CKAP2L: variants seen among roughly 807,000 people sequenced by gnomAD.
CKAP2L encodes the protein cytoskeleton associated protein 2L.
A neutral mutation model predicts 65.7 loss-of-function variants in CKAP2L; 42 were observed. That is an observed-to-expected ratio of 0.64 (90% CI 0.50 to 0.83). The LOEUF (loss-of-function observed/expected upper bound fraction) is 0.83, where lower values mean the gene tolerates loss of function less well. Among genes scored for constraint, CKAP2L ranks in the 40% least tolerant of loss-of-function variants. CKAP2L has a pLI of 0.00. For missense variants in CKAP2L, 908 were observed against 871.0 expected, an observed-to-expected ratio of 1.04 and a Z score of -0.53; for synonymous variants, 325 against 313.5, an observed-to-expected ratio of 1.04 and a Z score of -0.39.
At chr2:112,739,639 G>T (rs1278027445) in intron 8 of CKAP2L, among the ~76,000 whole-genome samples, 4 of 152,128 alleles carry the variant, frequency 2.6e-5, no homozygotes. Flanking sequence ...TTGAATTAAT[G>T]AATTCCAAGA....
intron 7 of CKAP2L, chr2:112,742,389 G>A (rs1158500774): frequency 1.4e-6 from 1 of 717,456 alleles, no homozygotes; most frequent in South Asian, 1.5e-5. Flanking sequence ...TGTAACTTAA[G>A]GCATTTCTCC....
chr2:112,762,484 T>G lies in CKAP2L; in HGVS notation c.104+19A>C. ...AAGAAGGCAACAAAACTTGCGTAACTGTGGACAGATAAACTCACTTGGTGT... is the reference window on the plus strand; with the variant it reads ...AAGAAGGCAACAAAACTTGCGTAACGGTGGACAGATAAACTCACTTGGTGT... On this transcript the variant is annotated intron_variant, in intron 2 of 8. Coordinates refer to ENST00000302450, the MANE Select transcript of CKAP2L (RefSeq NM_152515.5). 1 of 1,607,116 alleles carries G rather than the reference T, an allele frequency of 6.2e-7. No homozygotes were observed. The highest frequency in any genetic ancestry group is 1.1e-5 in the South Asian group (1 of 90,940).
intron 5 of CKAP2L, among the ~76,000 whole-genome samples, chr2:112,747,036 A>G (rs994775310): frequency 2.0e-5 from 3 of 151,304 alleles, no homozygotes; most frequent in Admixed American, 2.0e-4. Flanking sequence ...TGATCCGCCC[A>G]CCTCAGCCTC....
intron 5 of CKAP2L, among the ~76,000 whole-genome samples, chr2:112,751,682 G>A (rs1680376972): frequency 6.6e-6 from 1 of 152,132 alleles, no homozygotes; most frequent in Non-Finnish European, 1.5e-5. Flanking sequence ...CCAAAGGACT[G>A]AATGAGTTTT....
intron 6 of CKAP2L, among the ~76,000 whole-genome samples, chr2:112,746,179 T>C (rs1252448395): frequency 6.6e-6 from 1 of 152,184 alleles, no homozygotes; most frequent in African/African-American, 2.4e-5. Context: ...ATAATAATTA[T>C]ATAGTTTTTT....
At chr2:112,754,855 T>A (rs1382093607) in intron 4 of CKAP2L, among the ~76,000 whole-genome samples, 1 of 152,254 alleles carries the variant, frequency 6.6e-6, no homozygotes, top group Non-Finnish European at 1.5e-5. Context: ...TGCTCAGGAT[T>A]GTTTTTCTTC....
At chr2:112,741,084 TAC>T (rs1197302782) in intron 7 of CKAP2L, 77 bp from the exon 8 acceptor site, 9 of 901,394 alleles carry the variant, frequency 1.0e-5, no homozygotes, top group Non-Finnish European at 1.4e-5. Context: ...ACATGAAAAA[TAC>T]ATACATACAA....
At chr2:112,742,536 A>G (rs1680044873) in intron 7 of CKAP2L, 170 bp downstream of exon 7, 2 of 710,364 alleles carry the variant, frequency 2.8e-6, no homozygotes, top group Non-Finnish European at 5.3e-6. Context: ...TTTACTTGTA[A>G]TAATACAAAT....
Position 112,756,499 on chromosome 2 carries a change from G to C in CKAP2L, c.872C>G (p.Ser291Ter). The change falls in exon 4 of 9, where the codon TCA becomes TGA. Residue 291 changes from serine to a stop codon, truncating the protein, a stop_gained. Coordinates refer to ENST00000302450, the MANE Select transcript of CKAP2L (RefSeq NM_152515.5). LOFTEE classifies it high-confidence loss of function. ...HFIRTLSKVQ[S>*]SKKPVVKNIK... ...GTTCTTGACTACTGGTTTCTTTGAT[G>C]ACTGAACTTTACTAAGGGTCCGAAT... 6.2e-7 allele frequency: 1 copy of C among 1,609,046 alleles called. No homozygotes were observed. Among genetic ancestry groups the C allele is most frequent in the South Asian group, 1.1e-5 (1 of 90,070 alleles).
chr2:112,763,296 T>A (rs1480201715), intron 1 of CKAP2L, among the ~76,000 whole-genome samples: 1 of 152,174 alleles, frequency 6.6e-6, no homozygotes, highest in Admixed American at 6.5e-5. Flanking sequence ...CTGGCCCACC[T>A]GAGCTGGTGA....
rs974977477 is a variant in CKAP2L, at chr2:112,738,100, A to C, written c.*723T>G. On this transcript the variant is annotated 3_prime_UTR_variant, in exon 9 of 9. Coordinates refer to ENST00000302450, the MANE Select transcript of CKAP2L (RefSeq NM_152515.5). ...ACCCTAGCTGAGCAAAGAACTGAAGAAGCAAGTGTCCACTCCCCACCCCTC... is the reference window on the plus strand; with the variant it reads ...ACCCTAGCTGAGCAAAGAACTGAAGCAGCAAGTGTCCACTCCCCACCCCTC... 5 of 152,230 alleles carry C rather than the reference A, an allele frequency of 3.3e-5. No individual in the cohort carries two copies. The highest frequency in any genetic ancestry group is 7.3e-5 in the Non-Finnish European group (5 of 68,074). 9.4% of individuals were successfully genotyped at this position (152,230 alleles called of 1,614,324 possible).
At chr2:112,760,116 G>C (rs180714110) in intron 3 of CKAP2L, among the ~76,000 whole-genome samples, 2 of 152,194 alleles carry the variant, frequency 1.3e-5, no homozygotes, top group South Asian at 4.1e-4. Context: ...TCTTTCAGAG[G>C]GCTAATTTCT....
intron 2 of CKAP2L, among the ~76,000 whole-genome samples, chr2:112,761,369 G>A (rs1200384840): frequency 4.8e-5 from 7 of 145,340 alleles, no homozygotes; most frequent in African/African-American, 1.8e-4. Context: ...GCTGAGGCAG[G>A]AAAATGGCGT....
In CKAP2L at chr2:112,757,117, G is replaced by A; in HGVS notation, c.254C>T (p.Thr85Ile). Reference sequence around the variant, plus strand: ...CAACTTCGGCTTCTGGGACCCTGCAGTATTAGGTGGTCTGGGCTGGAGTTT... The same window carrying A: ...CAACTTCGGCTTCTGGGACCCTGCAATATTAGGTGGTCTGGGCTGGAGTTT... ...SIKLQPRPPN[T>I]AGSQKPKLEP... Residue 85 changes from threonine to isoleucine, a missense_variant, in exon 4 of 9, where the codon ACT (threonine) becomes ATT (isoleucine). Thr to Ile is a moderately conservative substitution (Grantham distance 89). Transcript: ENST00000302450. 1 of 1,614,124 alleles carries A rather than the reference G, an allele frequency of 6.2e-7. No homozygotes were observed. The highest frequency in any genetic ancestry group is 8.5e-7 in the Non-Finnish European group (1 of 1,180,018).
rs540727806 is a variant in CKAP2L at position 112,755,469 on chromosome 2, T to C, written c.1394+508A>G. Among the ~76,000 whole-genome samples the C allele has an allele frequency of 3.9e-5, 6 of 152,250 alleles. No homozygotes were observed. In the East Asian group the frequency reaches 1.2e-3, roughly 29 times the overall value. On this transcript the variant is annotated intron_variant, in intron 4 of 8. Coordinates refer to ENST00000302450, the MANE Select transcript of CKAP2L (RefSeq NM_152515.5). ...ATCTTGATTTCTACCATCTGAACTC[T>C]GTATTTGAACTGACTGCTCCTGCTT...
In CKAP2L at chr2:112,756,095, C is replaced by T. The variant is rs753540346; in HGVS notation, c.1276G>A (p.Val426Ile). Residue 426 changes from valine (V) to isoleucine (I), a missense_variant, in exon 4 of 9, where the codon GTT becomes ATT. Val to Ile is a conservative substitution (Grantham distance 29). Transcript: ENST00000302450. ...TTGTTCAGAAAATGGTTCTGGGGAA[C>T]AGCCTTTTTCAACTTGGAGTCCAAA... ...QTLDSKLKKA[V>I]PQNHFLNKTA... The T allele has an allele frequency of 6.2e-6, 10 of 1,614,022 alleles. No homozygotes were observed. Among genetic ancestry groups the T allele is most frequent in the Admixed American group, 5.0e-5 (3 of 59,998 alleles).
In CKAP2L at chr2:112,746,572, C is replaced by T; in HGVS notation, c.1606G>A (p.Val536Ile). Residue 536 changes from valine to isoleucine, a missense_variant, in exon 6 of 9, where the codon GTA becomes ATA. Transcript: ENST00000302450. ...TECLNLIEGGVPSNEILNILS... is the reference protein window; with the variant it reads ...TECLNLIEGGIPSNEILNILS... ...ATGTTAAGTATTTCATTAGAAGGTA[C>T]ACCCTGAAATAAACCAAAATATCCA... 6.2e-7 allele frequency: 1 copy of T among 1,607,284 alleles called. No individual in the cohort carries two copies. The highest frequency in any genetic ancestry group is 1.1e-5 in the South Asian group (1 of 90,464).
chr2:112,763,763 G>A (rs944376280), intron 1 of CKAP2L: 1 of 152,240 alleles, frequency 6.6e-6, no homozygotes, highest in African/African-American at 2.4e-5. Flanking sequence ...TCTATCCTTA[G>A]AGACAGCTTG....
Position 112,743,634 on chromosome 2 carries a change from C to T in CKAP2L, c.1759-865G>A, listed in dbSNP as rs190620543. Among the ~76,000 whole-genome samples, 545 of 151,926 alleles carry T rather than the reference C, an allele frequency of 3.6e-3. 9 individuals carry two copies. Among genetic ancestry groups the T allele is most frequent in the Admixed American group, 0.032 (486 of 15,236 alleles). ...TCTATTTTTAGTAGAGACGGGGTTTCGCTACGTTGGCCAGGCTGGTCTCAA... is the reference window on the plus strand; with the variant it reads ...TCTATTTTTAGTAGAGACGGGGTTTTGCTACGTTGGCCAGGCTGGTCTCAA... On this transcript the variant is annotated intron_variant, in intron 6 of 8. Coordinates refer to ENST00000302450, the MANE Select transcript of CKAP2L (RefSeq NM_152515.5).
Sources: allele counts gnomAD v4.1 joint callset (sites outside exome capture counted in the v4.1 genomes callset), GRCh38; gene constraint gnomAD v4.1.1; transcripts MANE v1.5; gene names NCBI Gene and HGNC (gene_info 2026-07-23, HGNC 2026-07-21).